The following PKHD1 variants were observed in gnomAD, a reference collection of about 807,000 sequenced individuals.
PKHD1 encodes PKHD1 ciliary IPT domain containing fibrocystin/polyductin.
PKHD1 carries 291 observed loss-of-function variants against 412.0 expected under a neutral mutation model. The ratio of observed to expected loss-of-function variants is 0.71; its 90% CI spans 0.64 to 0.78. PKHD1 has a LOEUF of 0.78. PKHD1 is among the 30% of genes least tolerant of loss of function. PKHD1 has a pLI of 0.00. For synonymous variants in PKHD1, 1,777 were observed against 1,821.5 expected, an observed-to-expected ratio of 0.98 and a Z score of 0.62; for missense variants, 4,825 against 4,950.7, an observed-to-expected ratio of 0.97 and a Z score of 0.76.
chr6:51,913,998 CAT>C (rs1444167116), intron 37 of PKHD1, among the ~76,000 whole-genome samples: 30 of 152,102 alleles, frequency 2.0e-4, no homozygotes, highest in Non-Finnish European at 4.3e-4. Context: ...TATGTATATG[CAT>C]ATATATGTGA....
chr6:51,950,220 A>AAAAAATAT lies in PKHD1; in HGVS notation c.5908+9649_5908+9650insATATTTTT. The stretch of plus-strand genomic sequence containing the variant: ...AATGGGCAATATAGAGAAAAAAAAA[A>AAAAAATAT]ATATATATATATATATATATGAAAT... On this transcript the variant is annotated intron_variant, in intron 36 of 66. Coordinates refer to ENST00000371117, the MANE Select transcript of PKHD1 (RefSeq NM_138694.4). 6.6e-3 allele frequency among the ~76,000 whole-genome samples: 645 copies of AAAAAATAT among 98,256 alleles called. 8 individuals are homozygous for AAAAAATAT. Among genetic ancestry groups the AAAAAATAT allele is most frequent in the African/African-American group, 0.022 (580 of 26,454 alleles). The allele number at this position is 98,256 out of a possible 152,430, so 64.5% of individuals were successfully genotyped here.
chr6:51,821,813 A>G (rs1310871920), intron 52 of PKHD1, among the ~76,000 whole-genome samples: 1 of 152,080 alleles, frequency 6.6e-6, no homozygotes, highest in African/African-American at 2.4e-5. Context: ...CAGCCTCCCA[A>G]GTAGCTGGGA....
intron 2 of PKHD1, 100 bp downstream of exon 2, chr6:52,084,782 A>G (rs1004360915): frequency 4.9e-6 from 4 of 823,566 alleles, no homozygotes; most frequent in Non-Finnish European, 8.7e-6. Flanking sequence ...GCATATATTT[A>G]TGGTATACAA....
chr6:51,911,948 T>C lies in PKHD1; in HGVS notation c.6341A>G (p.His2114Arg). The change falls in exon 39 of 67, where the codon CAC becomes CGC. Residue 2114 changes from histidine to arginine, a missense_variant. Physicochemically the swap from His to Arg is conservative, Grantham distance 29 (BLOSUM62 0). Transcript: ENST00000371117. ...AGCCACCCAATTCTCTGTAAAGTTGTGAGAATATCTGGAGAAAAAAAGAGG... is the reference window on the plus strand; with the variant it reads ...AGCCACCCAATTCTCTGTAAAGTTGCGAGAATATCTGGAGAAAAAAAGAGG... ...LYLKSPLRYS[H>R]NFTENWVAGE... The C allele has an allele frequency of 6.2e-7, 1 of 1,609,756 alleles. No homozygotes were observed. The highest frequency in any genetic ancestry group is 8.5e-7 in the Non-Finnish European group (1 of 1,177,746).
Position 51,784,931 on chromosome 6 carries a change from A to G in PKHD1, c.8440+6305T>C, listed in dbSNP as rs140516387. 1.3e-3 allele frequency among the ~76,000 whole-genome samples: 199 copies of G among 152,312 alleles called. 1 individual carries two copies. The highest frequency in any genetic ancestry group is 4.6e-3 in the African/African-American group (192 of 41,562). On this transcript the variant is annotated intron_variant, in intron 53 of 66. Transcript: ENST00000371117. ...TCTAACATATGGTTGCCAGCATCCA[A>G]CCTGGACCTCTCATTAATTACTTTT...
Position 52,065,050 on chromosome 6 carries a change from C to T in PKHD1, c.881G>A (p.Gly294Asp). 6.4e-7 allele frequency: 1 copy of T among 1,562,188 alleles called. No homozygotes were observed. The highest frequency in any genetic ancestry group is 1.1e-5 in the South Asian group (1 of 90,044). ...FDNSAQVTIA[G>D]IPCDIRHVSP... ...CACGTGTCTAATATCACATGGAATG[C>T]CTAAAGCGAATTAAAGAAATTTATG... is the stretch of plus-strand genomic sequence containing the variant. The change falls in exon 13 of 67, where the codon GGC becomes GAC. Residue 294 changes from glycine (G) to aspartate (D), a missense_variant and splice_region_variant. By Grantham distance (94) the Gly-to-Asp change is moderately conservative. Coordinates refer to ENST00000371117, the MANE Select transcript of PKHD1 (RefSeq NM_138694.4).
intron 64 of PKHD1, among the ~76,000 whole-genome samples, chr6:51,637,457 T>C (rs114958213): frequency 0.017 from 2,656 of 152,282 alleles, 38 homozygotes; most frequent in Non-Finnish European, 0.027. Context: ...CATGAAAACA[T>C]ATAATGAGCA....
At chr6:51,719,622 A>T (rs958785399) in intron 60 of PKHD1, among the ~76,000 whole-genome samples, 1 of 152,168 alleles carries the variant, frequency 6.6e-6, no homozygotes, top group African/African-American at 2.4e-5. Flanking sequence ...ATGAGACCCC[A>T]AATGTGTTAC....
At chr6:51,801,550 G>A (rs976897810) in intron 52 of PKHD1, among the ~76,000 whole-genome samples, 5 of 151,644 alleles carry the variant, frequency 3.3e-5, no homozygotes, top group African/African-American at 1.2e-4. Flanking sequence ...ATAGGCAGAA[G>A]AGGCAGTTTC....
intron 22 of PKHD1, 63 bp downstream of exon 22, chr6:52,050,094 T>C: frequency 6.5e-7 from 1 of 1,538,584 alleles, no homozygotes; most frequent in South Asian, 1.1e-5. Context: ...GTCACACCTG[T>C]GTCCCTCAAG....
intron 60 of PKHD1, among the ~76,000 whole-genome samples, chr6:51,705,104 C>T (rs1366734738): frequency 6.6e-6 from 1 of 151,968 alleles, no homozygotes; most frequent in Non-Finnish European, 1.5e-5. Context: ...TGAGAAAACT[C>T]AGTTGTCCAT....
chr6:52,001,403 A>C (rs1798370198), intron 35 of PKHD1, among the ~76,000 whole-genome samples: 1 of 152,074 alleles, frequency 6.6e-6, no homozygotes. Flanking sequence ...TCTTGAGAGA[A>C]AGACAGGGGA....
chr6:51,805,977 G>A (rs1217172649), intron 52 of PKHD1, among the ~76,000 whole-genome samples: 1 of 148,806 alleles, frequency 6.7e-6, no homozygotes, highest in East Asian at 2.1e-4. Flanking sequence ...ATAGCAGCAT[G>A]ATTTATAATC....
chr6:52,014,434 A>G (rs1800200551), intron 34 of PKHD1, among the ~76,000 whole-genome samples: 1 of 152,218 alleles, frequency 6.6e-6, no homozygotes, highest in Non-Finnish European at 1.5e-5. Flanking sequence ...CGAATGAGCC[A>G]CCAGTACCTG....
intron 53 of PKHD1, among the ~76,000 whole-genome samples, chr6:51,785,060 G>A (rs1792650146): frequency 6.6e-6 from 1 of 152,104 alleles, no homozygotes; most frequent in African/African-American, 2.4e-5. Flanking sequence ...ATGCAAGCAG[G>A]AATTGTTCAC....
At chr6:51,858,776 T>C (rs1773709401) in intron 48 of PKHD1, among the ~76,000 whole-genome samples, 1 of 152,234 alleles carries the variant, frequency 6.6e-6, no homozygotes. Context: ...AAGTGTTATA[T>C]GCATCAGAAC....
chr6:51,970,261 C>T (rs1437155942), intron 35 of PKHD1, among the ~76,000 whole-genome samples: 1 of 152,194 alleles, frequency 6.6e-6, no homozygotes, highest in East Asian at 1.9e-4. Flanking sequence ...TGTTTGTGTC[C>T]TTTGCCTACT....
At chr6:51,635,598 A>G (rs2784218) in intron 64 of PKHD1, among the ~76,000 whole-genome samples, 6,497 of 152,146 alleles carry the variant, frequency 0.043, 232 homozygotes, top group African/African-American at 0.093. Context: ...AAATAAATAC[A>G]TAGATACTAT....
intron 60 of PKHD1, among the ~76,000 whole-genome samples, chr6:51,678,900 A>G (rs538854289): frequency 6.6e-6 from 1 of 152,160 alleles, no homozygotes; most frequent in South Asian, 2.1e-4. Flanking sequence ...GGTTAAACAC[A>G]GGAGCAGCCA....
Sources: allele counts gnomAD v4.1 joint callset (sites outside exome capture counted in the v4.1 genomes callset), GRCh38; gene constraint gnomAD v4.1.1; transcripts MANE v1.5; gene names NCBI Gene and HGNC (gene_info 2026-07-23, HGNC 2026-07-21).